The following USP12 variants were observed in gnomAD, a reference collection of about 807,000 sequenced individuals.
USP12 encodes ubiquitin carboxyl-terminal hydrolase 12.
USP12 carries 19 observed loss-of-function variants against 45.5 expected under a neutral mutation model. The observed-to-expected ratio is 0.42, with a 90% CI of 0.29 to 0.61. The LOEUF is 0.61. Among genes scored for constraint, USP12 ranks in the 20% least tolerant of loss-of-function variants. USP12 has a pLI of 0.22. For synonymous variants in USP12, 149 were observed against 148.8 expected (o/e 1.00, Z -0.01); for missense variants, 242 against 447.7 (o/e 0.54, Z 4.15).
At chr13:27,088,319 G>A (rs1041711847) in intron 6 of USP12, among the ~76,000 whole-genome samples, 4 of 151,920 alleles carry the variant, frequency 2.6e-5, no homozygotes, top group African/African-American at 9.7e-5. Flanking sequence ...GGGAGGCTGA[G>A]GCAGGAGAAT....
intron 1 of USP12, among the ~76,000 whole-genome samples, chr13:27,122,694 T>A (rs1876051313): frequency 6.6e-6 from 1 of 151,336 alleles, no homozygotes; most frequent in South Asian, 2.1e-4. Context: ...TAAAAAAATT[T>A]TAATGGGTGT....
intron 1 of USP12, among the ~76,000 whole-genome samples, chr13:27,156,124 C>T (rs1877829286): frequency 6.6e-6 from 1 of 151,874 alleles, no homozygotes. Flanking sequence ...CAATGCCAGC[C>T]TCATCATTAT....
intron 1 of USP12, among the ~76,000 whole-genome samples, chr13:27,126,907 C>T (rs1876264231): frequency 6.6e-6 from 1 of 152,206 alleles, no homozygotes; most frequent in Non-Finnish European, 1.5e-5. Context: ...ACAACAGGCA[C>T]AAAGCAAACT....
chr13:27,168,101 C>G, intron 1 of USP12, among the ~76,000 whole-genome samples: 1 of 152,116 alleles, frequency 6.6e-6, no homozygotes, highest in East Asian at 1.9e-4. Context: ...AAGAAAAGCC[C>G]GTGGGACTCT....
chr13:27,171,266 A>G (rs1878591391), intron 1 of USP12, among the ~76,000 whole-genome samples: 1 of 148,906 alleles, frequency 6.7e-6, no homozygotes, highest in Non-Finnish European at 1.5e-5. Context: ...CCGCGTCCCG[A>G]GCGGACCCCA....
Position 27,069,373 on chromosome 13 carries a change from T to C in USP12, c.1023A>G (p.Ala341=), listed in dbSNP as rs1247802621. The change falls in exon 9 of 9, where the codon GCA becomes GCG. Residue 341 remains alanine, a synonymous_variant. Coordinates refer to ENST00000282344, the MANE Select transcript of USP12 (RefSeq NM_182488.4). ...ACCCGTAGAATTCTTCAATAGCTTG[T>C]GCATCTATTTTCTGTGAGGTAAAAT... ...FDDDIVEKID[A]QAIEEFYGLT... 14 of 1,613,160 alleles carry C rather than the reference T, an allele frequency of 8.7e-6. No homozygotes were observed. Among genetic ancestry groups the C allele is most frequent in the African/African-American group, 1.3e-5 (1 of 74,918 alleles).
chr13:27,165,937 AT>A (rs1261390801), intron 1 of USP12, among the ~76,000 whole-genome samples: 1 of 152,048 alleles, frequency 6.6e-6, no homozygotes, highest in Non-Finnish European at 1.5e-5. Flanking sequence ...AATAATAATA[AT>A]TTTTTAAAAA....
chr13:27,144,233 C>A (rs1877202875), intron 1 of USP12, among the ~76,000 whole-genome samples: 1 of 151,950 alleles, frequency 6.6e-6, no homozygotes, highest in Admixed American at 6.6e-5. Context: ...GTGTGTGGCT[C>A]ACACCTGTAA....
At chr13:27,168,966 G>C (rs1230984549) in intron 1 of USP12, 1 of 152,168 alleles carries the variant, frequency 6.6e-6, no homozygotes, top group Non-Finnish European at 1.5e-5. Context: ...TTCTGTTTAA[G>C]TCCAGCCCAT....
intron 1 of USP12, among the ~76,000 whole-genome samples, chr13:27,155,143 G>A (rs780106302): frequency 7.6e-6 from 1 of 131,198 alleles, no homozygotes; most frequent in Non-Finnish European, 1.5e-5. Context: ...GTGCAGTGGC[G>A]CGATCTCGGC....
chr13:27,078,421 T>C (rs1362984653), intron 6 of USP12, among the ~76,000 whole-genome samples: 5 of 150,334 alleles, frequency 3.3e-5, no homozygotes, highest in Non-Finnish European at 7.4e-5. Flanking sequence ...AACCAACTGA[T>C]ACGGAGCATA....
chr13:27,112,075 T>C (rs1875475003), intron 2 of USP12, among the ~76,000 whole-genome samples: 1 of 152,110 alleles, frequency 6.6e-6, no homozygotes, highest in South Asian at 2.1e-4. Context: ...AGCACAGTAA[T>C]GAAGCACATA....
chr13:27,116,485 T>A (rs2137797516), intron 2 of USP12, 31 bp downstream of exon 2: 1 of 1,599,314 alleles, frequency 6.3e-7, no homozygotes, highest in East Asian at 2.2e-5. Flanking sequence ...CTTCCGAACA[T>A]GATTCTAAAA....
chr13:27,133,223 A>ACACCACACT, intron 1 of USP12, among the ~76,000 whole-genome samples: 1 of 151,958 alleles, frequency 6.6e-6, no homozygotes, highest in Middle Eastern at 3.4e-3. Context: ...CTTAACGCAA[A>ACACCACACT]CACCACACTC....
At chr13:27,162,547 TAGAG>T (rs1290034525) in intron 1 of USP12, among the ~76,000 whole-genome samples, 4 of 152,314 alleles carry the variant, frequency 2.6e-5, no homozygotes, top group South Asian at 4.1e-4. Flanking sequence ...AGATGACAGA[TAGAG>T]AAAGACTAAT....
At chr13:27,167,439 T>C (rs2137850844) in intron 1 of USP12, among the ~76,000 whole-genome samples, 1 of 152,274 alleles carries the variant, frequency 6.6e-6, no homozygotes, top group East Asian at 1.9e-4. Flanking sequence ...AAATAAAACT[T>C]CTATTAATAC....
intron 1 of USP12, among the ~76,000 whole-genome samples, chr13:27,137,351 T>C (rs1403446967): frequency 1.3e-5 from 2 of 152,170 alleles, no homozygotes; most frequent in Admixed American, 6.5e-5. Context: ...CAATCCGCTT[T>C]ATAAAAAGAC....
chr13:27,147,946 A>AG (rs1279500677), intron 1 of USP12, among the ~76,000 whole-genome samples: 1 of 151,866 alleles, frequency 6.6e-6, no homozygotes, highest in Non-Finnish European at 1.5e-5. Context: ...TAGGCAACAC[A>AG]GGGGGACACC....
chr13:27,148,682 A>G (rs2137828785), intron 1 of USP12, among the ~76,000 whole-genome samples: 1 of 145,682 alleles, frequency 6.9e-6, no homozygotes, highest in African/African-American at 2.5e-5. Context: ...AAAATTATAT[A>G]TATATATATA....
Sources: gnomAD v4.1 joint callset for allele counts (sites outside exome capture counted in the v4.1 genomes callset) on GRCh38, gnomAD v4.1.1 for gene constraint, MANE v1.5 for transcripts, NCBI Gene and HGNC (gene_info 2026-07-23, HGNC 2026-07-21) for gene names.